TEAD4: variants seen among roughly 807,000 people sequenced by gnomAD.
The protein encoded by TEAD4 is TEA domain transcription factor 4.
In TEAD4, 36 loss-of-function variants were observed where a neutral mutation model predicts 52.4. The observed-to-expected ratio is 0.69, with a 90% CI of 0.53 to 0.91. TEAD4 has a LOEUF of 0.91. Among genes scored for constraint, TEAD4 ranks in the 40% least tolerant of loss-of-function variants. TEAD4 has a pLI of 0.00. For missense variants in TEAD4, 508 were observed against 583.9 expected (o/e 0.87, Z 1.34); for synonymous variants, 220 against 231.0 (o/e 0.95, Z 0.43).
At chr12:2,962,292 A>T (rs1277545485) in intron 2 of TEAD4, among the ~76,000 whole-genome samples, 3 of 124,354 alleles carry the variant, frequency 2.4e-5, no homozygotes, top group Non-Finnish European at 4.8e-5. Context: ...ATATTTATTT[A>T]TATATATAAA....
intron 2 of TEAD4, among the ~76,000 whole-genome samples, chr12:2,983,135 CCAGGA>C (rs2098235450): frequency 6.6e-6 from 1 of 152,082 alleles, no homozygotes; most frequent in African/African-American, 2.4e-5. Context: ...TAGGCTACAA[CCAGGA>C]CTTAAGAGGC....
intron 3 of TEAD4, 62 bp downstream of exon 3, chr12:2,995,054 C>T: frequency 8.4e-6 from 13 of 1,555,932 alleles, no homozygotes; most frequent in Non-Finnish European, 1.1e-5. Context: ...GACACCAGAA[C>T]CTTGGGGTTC....
chr12:3,000,588 T>A (rs747010597), intron 3 of TEAD4, among the ~76,000 whole-genome samples: 23 of 152,230 alleles, frequency 1.5e-4, no homozygotes, highest in Non-Finnish European at 2.9e-4. Context: ...AAGGCCCACC[T>A]GTCCATACTG....
chr12:3,029,319 G>T (rs2098274035), intron 10 of TEAD4, among the ~76,000 whole-genome samples: 1 of 143,764 alleles, frequency 7.0e-6, no homozygotes, highest in African/African-American at 2.5e-5. Flanking sequence ...CTCACTGCAA[G>T]CTCCGCCTCC....
At chr12:2,964,852 C>T (rs539915771) in intron 2 of TEAD4, among the ~76,000 whole-genome samples, 1 of 152,106 alleles carries the variant, frequency 6.6e-6, no homozygotes, top group African/African-American at 2.4e-5. Context: ...TGTCTTGCCT[C>T]CATCTTTGTA....
chr12:3,021,846 C>T lies in TEAD4; in HGVS notation c.726C>T (p.Tyr242=), dbSNP rs779884533. ...CCTCAGACCCACTCTCTCCACAGTA[C>T]AACAAGCACCTGTTCGTGCACATTG... Residue 242 remains tyrosine (Y), a splice_region_variant and synonymous_variant, in exon 10 of 13, where the codon TAC becomes TAT. Coordinates refer to ENST00000359864, the MANE Select transcript of TEAD4 (RefSeq NM_003213.4). The T allele has an allele frequency of 1.2e-6, 2 of 1,613,858 alleles. No individual in the cohort carries two copies. The highest frequency in any genetic ancestry group is 1.7e-5 in the Admixed American group (1 of 60,006).
intron 2 of TEAD4, among the ~76,000 whole-genome samples, chr12:2,993,430 T>G (rs1330962437): frequency 7.7e-6 from 1 of 130,520 alleles, no homozygotes; most frequent in Admixed American, 7.8e-5. Flanking sequence ...GGATTACAGG[T>G]GTGAGCCTCT....
At chr12:3,006,483 T>G (rs927123186) in intron 3 of TEAD4, among the ~76,000 whole-genome samples, 4 of 151,454 alleles carry the variant, frequency 2.6e-5, no homozygotes, top group African/African-American at 7.3e-5. Flanking sequence ...CACCTGAGGT[T>G]GGGAGTTCGA....
intron 10 of TEAD4, 77 bp downstream of exon 10, chr12:3,022,094 T>G (rs2098269130): frequency 1.3e-6 from 2 of 1,555,020 alleles, no homozygotes; most frequent in African/African-American, 2.7e-5. Flanking sequence ...GTGCCCAGAG[T>G]GTGCCCTTGT....
In TEAD4 at chr12:3,037,897, G is replaced by A. The variant is rs2098280353; in HGVS notation, c.898-71G>A. 3 of 1,550,436 alleles carry A rather than the reference G, an allele frequency of 1.9e-6. No individual in the cohort carries two copies. In the East Asian group the frequency reaches 6.9e-5, roughly 36 times the overall value. On this transcript the variant is annotated intron_variant, in intron 10 of 12. Coordinates refer to ENST00000359864, the MANE Select transcript of TEAD4 (RefSeq NM_003213.4). Reference sequence around the variant, plus strand: ...CCTAGAGCCGGGACCGGGACCCTGAGGTCTCCTTGATGCTCCCGTCTGACA... The same window carrying A: ...CCTAGAGCCGGGACCGGGACCCTGAAGTCTCCTTGATGCTCCCGTCTGACA...
intron 5 of TEAD4, chr12:3,017,036 C>T (rs1379953412): frequency 2.2e-6 from 1 of 464,056 alleles, no homozygotes; most frequent in Admixed American, 2.3e-5. Flanking sequence ...AGGGATCCAG[C>T]AGATATTCAT....
At chr12:3,018,497 CCGGGTGCACCT>C in intron 6 of TEAD4, 37 bp from the exon 7 acceptor site, 1 of 1,613,246 alleles carries the variant, frequency 6.2e-7, no homozygotes, top group Non-Finnish European at 8.5e-7. Flanking sequence ...CCACAGGGCC[CCGGGTGCACCT>C]GGGGCCGTGC....
At chr12:3,032,415 C>T (rs950100862) in intron 10 of TEAD4, among the ~76,000 whole-genome samples, 7 of 152,120 alleles carry the variant, frequency 4.6e-5, no homozygotes, top group Admixed American at 3.9e-4. Flanking sequence ...GGACAGGAGC[C>T]GCTGGACAGG....
At chr12:3,038,238 C>G in intron 11 of TEAD4, 130 bp downstream of exon 11, 1 of 1,245,526 alleles carries the variant, frequency 8.0e-7, no homozygotes. Flanking sequence ...CCTTCCCTGT[C>G]TGCTGTCAGT....
chr12:3,011,077 C>T lies in TEAD4; in HGVS notation c.291+9C>T, dbSNP rs1220867178. On this transcript the variant is annotated intron_variant, in intron 4 of 12. Coordinates refer to ENST00000359864, the MANE Select transcript of TEAD4 (RefSeq NM_003213.4). ...CCCGCACCAGGAAGCAGGTGGGCCT[C>T]AAGAGACGGGTAGGGGTCCCGGGGG... The T allele has an allele frequency of 3.7e-6, 6 of 1,614,004 alleles. No individual in the cohort carries two copies. In the Admixed American group the frequency reaches 1.0e-4, roughly 27 times the overall value.
At chr12:2,988,817 TAGA>T (rs1192524242) in intron 2 of TEAD4, among the ~76,000 whole-genome samples, 1 of 152,088 alleles carries the variant, frequency 6.6e-6, no homozygotes, top group East Asian at 1.9e-4. Context: ...CATAGACACC[TAGA>T]AGGACTGTGT....
chr12:2,976,817 T>A (rs73246962), intron 2 of TEAD4, among the ~76,000 whole-genome samples: 26,658 of 151,954 alleles, frequency 0.18, 3,641 homozygotes, highest in African/African-American at 0.38. Flanking sequence ...GGGAAGAGAC[T>A]GCTTGGGTTG....
At position 2,962,592 on chromosome 12, in the gene TEAD4, C is replaced by T. The variant is rs537020726; in HGVS notation, c.-30+2552C>T. ...TCAGGTGATCTGCCCACCTTGGCCT[C>T]CTAAAGTGCTGAGATTATAGGCATG... On this transcript the variant is annotated intron_variant, in intron 2 of 12. Transcript: ENST00000359864. 5.9e-5 allele frequency among the ~76,000 whole-genome samples: 9 copies of T among 151,940 alleles called. No individual in the cohort carries two copies. The East Asian group carries it at 1.7e-3, about 29-fold the overall frequency.
chr12:3,039,486 A>G (rs2098281373), intron 11 of TEAD4, among the ~76,000 whole-genome samples: 1 of 152,104 alleles, frequency 6.6e-6, no homozygotes, highest in Non-Finnish European at 1.5e-5. Context: ...GTGTGTGTAG[A>G]CAGGGAAATT....
Sources: allele counts gnomAD v4.1 joint callset (sites outside exome capture counted in the v4.1 genomes callset), GRCh38; gene constraint gnomAD v4.1.1; transcripts MANE v1.5; gene names NCBI Gene and HGNC (gene_info 2026-07-23, HGNC 2026-07-21).